PFKP: variants seen among roughly 807,000 people sequenced by gnomAD.
PFKP encodes the protein phosphofructokinase, platelet, also known as ATP-dependent 6-phosphofructokinase, platelet type.
Under a neutral mutation model 94.3 loss-of-function variants are expected in PFKP, and 101 were observed. That is an observed-to-expected ratio of 1.07 (90% CI 0.91 to 1.26). The LOEUF (loss-of-function observed/expected upper bound fraction) is 1.26, where lower values mean the gene tolerates loss of function less well. PFKP is among the 50% of genes most tolerant of loss of function. The pLI, the probability that PFKP is intolerant of heterozygous loss-of-function variation, is 0.00. For missense variants in PFKP, 1,145 were observed against 1,103.3 expected (o/e 1.04, Z -0.53); for synonymous variants, 573 against 432.6 (o/e 1.32, Z -4.03).
At chr10:3,069,429 A>C in intron 1 of PFKP, 1 of 1,555,656 alleles carries the variant, frequency 6.4e-7, no homozygotes, top group South Asian at 1.2e-5. Context: ...TAGGACCCAG[A>C]GTGGCTTCTC....
At chr10:3,119,845 C>G (rs562986605) in intron 15 of PFKP, 47 bp from the exon 16 acceptor site, 15 of 1,600,772 alleles carry the variant, frequency 9.4e-6, no homozygotes, top group Admixed American at 3.3e-5. Flanking sequence ...AGACCCTCTC[C>G]TCCCCAGCTT....
chr10:3,082,347 C>A lies in PFKP; in HGVS notation c.113-41C>A, dbSNP rs766702763. The A allele has an allele frequency of 5.3e-6, 8 of 1,510,134 alleles. No individual in the cohort carries two copies. In the African/African-American group the frequency reaches 6.9e-5, roughly 13 times the overall value. 93.5% of individuals were successfully genotyped at this position (1,510,134 alleles called of 1,614,324 possible). On this transcript the variant is annotated intron_variant, in intron 1 of 21. Coordinates refer to ENST00000381125, the MANE Select transcript of PFKP (RefSeq NM_002627.5). ...TAGTTAGTGGCAGAGCCAGAATTAC[C>A]CCGGGCTCTTCAGTGACTCTTGCTC... is the stretch of plus-strand genomic sequence containing the variant.
At position 3,112,167 on chromosome 10, in the gene PFKP, C is replaced by T. The variant is rs190002937; in HGVS notation, c.1090-55C>T. On this transcript the variant is annotated intron_variant, in intron 10 of 21. Coordinates refer to ENST00000381125, the MANE Select transcript of PFKP (RefSeq NM_002627.5). ...CGAGCCAGTCTCTACCTACCCCATCCATGATGCACCAGGTCCTGACACATT... is the reference window on the plus strand; with the variant it reads ...CGAGCCAGTCTCTACCTACCCCATCTATGATGCACCAGGTCCTGACACATT... 7.8e-5 allele frequency: 110 copies of T among 1,404,914 alleles called. No individual in the cohort carries two copies. In the African/African-American group the frequency reaches 1.1e-3, roughly 14 times the overall value. The allele number at this position is 1,404,914 out of a possible 1,614,324, so 87.0% of individuals were successfully genotyped here.
chr10:3,133,119 C>T, intron 18 of PFKP, 84 bp from the exon 19 acceptor site: 1 of 939,636 alleles, frequency 1.1e-6, no homozygotes, highest in Non-Finnish European at 1.8e-6. Flanking sequence ...TGCGGGAGTC[C>T]AGCCTCCCAG....
intron 1 of PFKP, among the ~76,000 whole-genome samples, chr10:3,067,966 C>T (rs1831861422): frequency 6.6e-6 from 1 of 152,044 alleles, no homozygotes; most frequent in Admixed American, 6.5e-5. Context: ...GGTCCTTGCC[C>T]GGTGGGGCGG....
intron 1 of PFKP, among the ~76,000 whole-genome samples, chr10:3,078,400 C>T (rs1020693765): frequency 6.6e-5 from 10 of 152,314 alleles, no homozygotes; most frequent in African/African-American, 9.6e-5. Flanking sequence ...GTTCCTGGGG[C>T]TTCCTCAGGT....
chr10:3,086,646 A>C (rs1301166942), intron 2 of PFKP, among the ~76,000 whole-genome samples: 2 of 152,122 alleles, frequency 1.3e-5, no homozygotes, highest in Admixed American at 6.5e-5. Flanking sequence ...GGGACCCTGC[A>C]CTAAACCAAG....
Position 3,110,616 on chromosome 10 carries a change from T to C in PFKP, c.1089+1136T>C, listed in dbSNP as rs573240189. ...GTGAAGCAATCAAGTCAGGGACTTG[T>C]TGAAAGTCACCTTGTAAACATAATT... is the stretch of plus-strand genomic sequence containing the variant. On this transcript the variant is annotated intron_variant, in intron 10 of 21. Coordinates refer to ENST00000381125, the MANE Select transcript of PFKP (RefSeq NM_002627.5). Among the ~76,000 whole-genome samples, 36 of 152,252 alleles carry C rather than the reference T, an allele frequency of 2.4e-4. No individual in the cohort carries two copies. In the South Asian group the frequency reaches 6.6e-3, roughly 28 times the overall value.
rs1340206353 is a variant in PFKP, at chr10:3,115,381, AGAACAGGAC to A, written c.1372-1394_1372-1386del. 9.5e-3 allele frequency among the ~76,000 whole-genome samples: 704 copies of A among 73,996 alleles called. 7 individuals carry two copies. The highest frequency in any genetic ancestry group is 0.016 in the East Asian group (15 of 962). The allele number at this position is 73,996 out of a possible 152,430, so 48.5% of individuals were successfully genotyped here. A position where few individuals can be genotyped will look rare whatever the true frequency, so the allele number is the denominator to read the frequency against. ...AGTGAAGGTGTGTGTCCCGCAGCTG[AGAACAGGAC>A]TGGGGATGCCGGGGTGAAGGTGTGT... On this transcript the variant is annotated intron_variant, in intron 13 of 21. Coordinates refer to ENST00000381125, the MANE Select transcript of PFKP (RefSeq NM_002627.5).
intron 16 of PFKP, chr10:3,129,351 G>T (rs922596055): frequency 6.5e-6 from 1 of 153,802 alleles, no homozygotes; most frequent in African/African-American, 2.4e-5. Context: ...AAAATCACAG[G>T]GAGCTTTTCA....
At chr10:3,130,501 A>G (rs1838454080) in intron 17 of PFKP, among the ~76,000 whole-genome samples, 1 of 152,178 alleles carries the variant, frequency 6.6e-6, no homozygotes, top group African/African-American at 2.4e-5. Flanking sequence ...GGACCCTGCA[A>G]CATTCAAAGT....
intron 1 of PFKP, among the ~76,000 whole-genome samples, chr10:3,073,773 C>G (rs929446734): frequency 3.3e-5 from 5 of 152,144 alleles, no homozygotes; most frequent in Non-Finnish European, 2.9e-5. Context: ...TCCTTCATAT[C>G]TTTTCAGCTG....
At chr10:3,127,163 G>A (rs1202082859) in intron 16 of PFKP, among the ~76,000 whole-genome samples, 1 of 152,254 alleles carries the variant, frequency 6.6e-6, no homozygotes, top group East Asian at 1.9e-4. Context: ...ATGCCATCTA[G>A]GTAATGAGGA....
chr10:3,132,222 T>C (rs1038869279), intron 17 of PFKP, among the ~76,000 whole-genome samples, 158 bp from the exon 18 acceptor site: 3 of 152,176 alleles, frequency 2.0e-5, no homozygotes, highest in Non-Finnish European at 2.9e-5. Flanking sequence ...CCTCCCTATC[T>C]GGGAGGAGGC....
intron 1 of PFKP, chr10:3,070,154 TG>T (rs1832077673): frequency 6.6e-6 from 1 of 152,262 alleles, no homozygotes; most frequent in African/African-American, 2.4e-5. Flanking sequence ...CTGGCAGAGC[TG>T]AAGTCACAAT....
In PFKP at chr10:3,136,558, T is replaced by G. The variant is rs368877583; in HGVS notation, c.2334T>G (p.His778Gln). ...YDVSDSGQLE[H>Q]VQPWSV ...TGTCGGACTCAGGCCAGCTGGAACA[T>G]GTGCAGCCCTGGAGTGTCTGACCCA... Residue 778 changes from histidine (H) to glutamine (Q), a missense_variant, in exon 22 of 22, where the codon CAT becomes CAG. By Grantham distance (24) the His-to-Gln change is conservative. Transcript: ENST00000381125. 2 of 1,613,556 alleles carry G rather than the reference T, an allele frequency of 1.2e-6. No homozygotes were observed. The highest frequency in any genetic ancestry group is 1.7e-6 in the Non-Finnish European group (2 of 1,179,746).
intron 11 of PFKP, 84 bp from the exon 12 acceptor site, chr10:3,113,035 C>T (rs1836412681): frequency 3.3e-6 from 4 of 1,223,486 alleles, no homozygotes; most frequent in South Asian, 2.6e-5. Flanking sequence ...TGAGTGCTGG[C>T]AGATAAGCCA....
chr10:3,082,803 G>C (rs1400898044), intron 2 of PFKP, among the ~76,000 whole-genome samples: 1 of 152,100 alleles, frequency 6.6e-6, no homozygotes, highest in Non-Finnish European at 1.5e-5. Flanking sequence ...ACTGCAACCT[G>C]CTGGGTTCAA....
Position 3,136,553 on chromosome 10 carries a change from G to GAACATGTGCAGCCCTGGAGTGTCTGAC in PFKP, c.2330_*1dup. The GAACATGTGCAGCCCTGGAGTGTCTGAC allele has an allele frequency of 3.1e-6, 5 of 1,613,678 alleles. No homozygotes were observed. Among genetic ancestry groups the GAACATGTGCAGCCCTGGAGTGTCTGAC allele is most frequent in the Non-Finnish European group, 4.2e-6 (5 of 1,179,788 alleles). ...TGACGTGTCGGACTCAGGCCAGCTG[G>GAACATGTGCAGCCCTGGAGTGTCTGAC]AACATGTGCAGCCCTGGAGTGTCTG... On this transcript the variant is annotated stop_gained and inframe_insertion, in exon 22 of 22. Transcript: ENST00000381125. LOFTEE classifies it low-confidence loss of function (END_TRUNC).
Sources: gnomAD v4.1 joint callset for allele counts (sites outside exome capture counted in the v4.1 genomes callset) on GRCh38, gnomAD v4.1.1 for gene constraint, MANE v1.5 for transcripts, NCBI Gene and HGNC (gene_info 2026-07-23, HGNC 2026-07-21) for gene names.